RASGEF1B: variants seen among roughly 807,000 people sequenced by gnomAD.
RASGEF1B encodes the protein RasGEF domain family member 1B.
In RASGEF1B, 30 loss-of-function variants were observed where a neutral mutation model predicts 65.7. The observed-to-expected ratio is 0.46, with a 90% confidence interval of 0.34 to 0.62. The LOEUF is 0.62. Ranked by LOEUF, RASGEF1B falls within the 20% of genes least tolerant of loss-of-function variation. The pLI is 0.01. For missense variants in RASGEF1B, 495 were observed against 580.1 expected (o/e 0.85, Z 1.51); for synonymous variants, 175 against 194.8 (o/e 0.90, Z 0.85).
At chr4:81,456,832 T>C (rs762718618) in intron 3 of RASGEF1B, 44 bp from the exon 4 acceptor site, 2 of 1,485,232 alleles carry the variant, frequency 1.3e-6, no homozygotes, top group South Asian at 2.5e-5. Context: ...TTTATCACTA[T>C]GGACTACATC....
intron 4 of RASGEF1B, among the ~76,000 whole-genome samples, chr4:81,448,917 C>T (rs984945675): frequency 1.3e-5 from 2 of 152,116 alleles, no homozygotes; most frequent in Non-Finnish European, 2.9e-5. Context: ...CAGGTTCAAG[C>T]GATTCACCTG....
intron 1 of RASGEF1B, among the ~76,000 whole-genome samples, chr4:81,466,329 T>C (rs1309070571): frequency 1.3e-5 from 2 of 152,220 alleles, no homozygotes; most frequent in East Asian, 3.8e-4. Flanking sequence ...ACTTGCAGCC[T>C]GTCTCCTTTC....
chr4:81,432,304 A>G lies in RASGEF1B; in HGVS notation c.1392T>C (p.Ser464=). The G allele has an allele frequency of 1.2e-6, 2 of 1,603,756 alleles. No homozygotes were observed. Among genetic ancestry groups the G allele is most frequent in the African/African-American group, 1.3e-5 (1 of 74,820 alleles). Residue 464 remains serine (S), a synonymous_variant, in exon 13 of 14, where the codon TCT becomes TCC. Transcript: ENST00000264400. ...ATGAGAAGAATGAGACCCACCTTAAAGACTTCCATCTGTCTTTCTCTATAT... is the reference window on the plus strand; with the variant it reads ...ATGAGAAGAATGAGACCCACCTTAAGGACTTCCATCTGTCTTTCTCTATAT... The part of the protein sequence containing the change: ...ENHIEKDRWK[S]LRSSLLGRV
At chr4:81,455,904 T>C (rs1484245815) in intron 4 of RASGEF1B, 1 of 152,320 alleles carries the variant, frequency 6.6e-6, no homozygotes, top group African/African-American at 2.4e-5. Context: ...GAATTATCTT[T>C]GCTAATTTAC....
chr4:81,436,047 G>A (rs969525163), intron 10 of RASGEF1B, among the ~76,000 whole-genome samples: 3 of 152,000 alleles, frequency 2.0e-5, no homozygotes, highest in African/African-American at 7.3e-5. Context: ...CTCCCAAAGT[G>A]CCCAGATTAC....
At chr4:81,444,800 C>T (rs1461405783) in intron 8 of RASGEF1B, among the ~76,000 whole-genome samples, 1 of 152,214 alleles carries the variant, frequency 6.6e-6, no homozygotes, top group Non-Finnish European at 1.5e-5. Context: ...TCCCAAAGTG[C>T]TGGGATTACA....
chr4:81,446,412 A>G (rs182418250), intron 6 of RASGEF1B, among the ~76,000 whole-genome samples: 4 of 152,258 alleles, frequency 2.6e-5, no homozygotes, highest in African/African-American at 7.2e-5. Flanking sequence ...CAAGATACTA[A>G]GTTAGTCTGG....
intron 8 of RASGEF1B, 142 bp from the exon 9 acceptor site, chr4:81,442,518 C>G: frequency 1.6e-6 from 1 of 629,530 alleles, no homozygotes; most frequent in Non-Finnish European, 2.8e-6. Context: ...AATTTTATAA[C>G]TTTTTTTGTT....
At chr4:81,435,367 C>A (rs867572910) in intron 10 of RASGEF1B, among the ~76,000 whole-genome samples, 1 of 137,050 alleles carries the variant, frequency 7.3e-6, no homozygotes, top group African/African-American at 2.8e-5. Flanking sequence ...GCCGAGATTG[C>A]GCCACTGCAG....
At chr4:81,433,015 C>G (rs1056648338) in intron 12 of RASGEF1B, among the ~76,000 whole-genome samples, 9 of 149,320 alleles carry the variant, frequency 6.0e-5, no homozygotes, top group African/African-American at 2.2e-4. Context: ...TAGTTGGAGA[C>G]CAGCCTGGGC....
intron 4 of RASGEF1B, chr4:81,456,332 G>C (rs754677722): frequency 1.0e-5 from 6 of 595,188 alleles, no homozygotes; most frequent in Non-Finnish European, 1.8e-5. Flanking sequence ...CTAACTAGCT[G>C]TGTCAAACCT....
intron 1 of RASGEF1B, among the ~76,000 whole-genome samples, chr4:81,466,758 CAAA>C (rs748152922): frequency 4.9e-4 from 28 of 57,612 alleles, no homozygotes; most frequent in African/African-American, 2.0e-3. Flanking sequence ...GCCTCCATGT[CAAA>C]AAAAAAAAAA....
chr4:81,462,553 C>A (rs746916911), intron 1 of RASGEF1B, among the ~76,000 whole-genome samples: 11 of 152,200 alleles, frequency 7.2e-5, no homozygotes, highest in Non-Finnish European at 1.3e-4. Flanking sequence ...GTTGAACTTG[C>A]ACATAGCAAT....
At chr4:81,437,594 C>T (rs563831784) in intron 10 of RASGEF1B, among the ~76,000 whole-genome samples, 11 of 152,190 alleles carry the variant, frequency 7.2e-5, no homozygotes, top group Non-Finnish European at 1.6e-4. Context: ...CATAAATTCA[C>T]GCCAGGTGCC....
chr4:81,438,370 G>A lies in RASGEF1B; in HGVS notation c.1104+2464C>T, dbSNP rs146197361. 5.9e-3 allele frequency among the ~76,000 whole-genome samples: 892 copies of A among 152,292 alleles called. 9 individuals are homozygous for A. Among genetic ancestry groups the A allele is most frequent in the Middle Eastern group, 0.017 (5 of 294 alleles). On this transcript the variant is annotated intron_variant, in intron 10 of 13. Transcript: ENST00000264400. ...TCACCATATTGGTCAGGCTGGTCTCGAACTCCTGACCTCAGGTGATCCACC... is the reference window on the plus strand; with the variant it reads ...TCACCATATTGGTCAGGCTGGTCTCAAACTCCTGACCTCAGGTGATCCACC...
At chr4:81,442,881 A>G (rs1297477327) in intron 8 of RASGEF1B, among the ~76,000 whole-genome samples, 3 of 152,264 alleles carry the variant, frequency 2.0e-5, no homozygotes, top group Non-Finnish European at 4.4e-5. Flanking sequence ...TCATAAAGAA[A>G]CCAGTGACGG....
chr4:81,460,207 T>C (rs1722594251), intron 1 of RASGEF1B, among the ~76,000 whole-genome samples: 1 of 152,150 alleles, frequency 6.6e-6, no homozygotes, highest in South Asian at 2.1e-4. Context: ...GACACCTGAT[T>C]TGGGAGCAAG....
At chr4:81,461,263 C>A (rs1032822363) in intron 1 of RASGEF1B, among the ~76,000 whole-genome samples, 1 of 152,098 alleles carries the variant, frequency 6.6e-6, no homozygotes, top group Non-Finnish European at 1.5e-5. Context: ...TGCCCTCAAA[C>A]GAGGAGGCAG....
chr4:81,440,703 A>G (rs1721802280), intron 10 of RASGEF1B, 131 bp downstream of exon 10: 2 of 582,084 alleles, frequency 3.4e-6, no homozygotes, highest in Non-Finnish European at 6.1e-6. Flanking sequence ...AAGTGGTATC[A>G]TTTCTAGAGT....
Sources: gnomAD v4.1 joint callset for allele counts (sites outside exome capture counted in the v4.1 genomes callset) on GRCh38, gnomAD v4.1.1 for gene constraint, MANE v1.5 for transcripts, NCBI Gene and HGNC (gene_info 2026-07-23, HGNC 2026-07-21) for gene names.